The following PARP9 variants were observed in gnomAD, a reference collection of about 807,000 sequenced individuals.
The protein encoded by PARP9 is protein mono-ADP-ribosyltransferase PARP9.
Under a neutral mutation model 68.8 loss-of-function variants are expected in PARP9, and 48 were observed. The ratio of observed to expected loss-of-function variants is 0.70; its 90% CI spans 0.55 to 0.89. PARP9 has a LOEUF of 0.89. Ranked by LOEUF, PARP9 falls within the 40% of genes least tolerant of loss-of-function variation. The pLI, the probability that PARP9 is intolerant of heterozygous loss-of-function variation, is 0.00. For missense variants in PARP9, 806 were observed against 969.3 expected (o/e 0.83, Z 2.24); for synonymous variants, 309 against 333.8 (o/e 0.93, Z 0.81).
intron 10 of PARP9, among the ~76,000 whole-genome samples, chr3:122,530,825 G>A (rs1183021494): frequency 6.6e-6 from 1 of 152,146 alleles, no homozygotes; most frequent in East Asian, 1.9e-4. Flanking sequence ...CACTTTGGGA[G>A]GCCAAGGCAG....
At chr3:122,538,500 G>T (rs2077823177) in intron 8 of PARP9, among the ~76,000 whole-genome samples, 1 of 152,128 alleles carries the variant, frequency 6.6e-6, no homozygotes, top group South Asian at 2.1e-4. Context: ...GACAGGGCAG[G>T]TTTGCCTGAA....
intron 8 of PARP9, among the ~76,000 whole-genome samples, chr3:122,539,502 A>G (rs953269883): frequency 1.4e-5 from 2 of 138,094 alleles, no homozygotes; most frequent in African/African-American, 2.8e-5. Context: ...ATCTCCCAAG[A>G]TGGCATTTCT....
chr3:122,543,065 C>T (rs1220613879), intron 7 of PARP9, among the ~76,000 whole-genome samples: 1 of 151,926 alleles, frequency 6.6e-6, no homozygotes, highest in African/African-American at 2.4e-5. Flanking sequence ...CGCCACCATG[C>T]CTGGCTAATT....
rs762938495 is a variant in PARP9 at position 122,558,415 on chromosome 3, G to A, written c.49+19C>T. On this transcript the variant is annotated intron_variant, in intron 3 of 10. Transcript: ENST00000682323. The stretch of plus-strand genomic sequence containing the variant: ...AGCAAAGACTTTCTGAAACAAGAGT[G>A]AGAGCGAGGTAATCCTACCTGATTT... 9.9e-6 allele frequency: 16 copies of A among 1,614,030 alleles called. No individual in the cohort carries two copies. The South Asian group carries it at 1.8e-4, about 18-fold the overall frequency.
intron 10 of PARP9, chr3:122,532,513 C>T (rs1374053384): frequency 1.3e-5 from 11 of 829,830 alleles, no homozygotes; most frequent in Non-Finnish European, 1.6e-5. Flanking sequence ...CTTGAACTGT[C>T]AAGATTCAAA....
rs760164261 is a variant in PARP9, at chr3:122,540,795, G to A, written c.1442C>T (p.Ala481Val). 8 of 1,613,920 alleles carry A rather than the reference G, an allele frequency of 5.0e-6. No homozygotes were observed. The East Asian group carries it at 1.6e-4, about 31-fold the overall frequency. The change falls in exon 8 of 11, where the codon GCC (alanine) becomes GTC (valine). Residue 481 changes from alanine (A) to valine (V), a missense_variant. By Grantham distance (64) the Ala-to-Val change is moderately conservative. Around this residue, in one of 2 missense-constraint regions of PARP9, gnomAD observed 680 missense variants for 858.8 expected, o/e 0.79. Coordinates refer to ENST00000682323, the MANE Select transcript of PARP9 (RefSeq NM_001146105.2). ...RENGLEARSP[A>V]INLMGFNVEE... ...CACGTTGAATCCCATCAGATTGATG[G>A]CAGGAGATCTAGCTTCAAGCCCATT...
intron 10 of PARP9, chr3:122,532,041 G>T: frequency 1.8e-6 from 1 of 550,018 alleles, no homozygotes; most frequent in Non-Finnish European, 2.3e-6. Context: ...ACAATTGGAG[G>T]GACTCACAGA....
chr3:122,564,630 C>T (rs746231140), upstream of PARP9: 4 of 1,579,002 alleles, frequency 2.5e-6, no homozygotes, highest in Non-Finnish European at 3.4e-6. Flanking sequence ...TTCGGGCGGC[C>T]AGGCTGCGAA....
At chr3:122,559,101 C>A (rs192414254) in intron 2 of PARP9, among the ~76,000 whole-genome samples, 64 of 152,276 alleles carry the variant, frequency 4.2e-4, no homozygotes, top group African/African-American at 1.5e-3. Flanking sequence ...ACCAAAATGA[C>A]CCCAAACTCT....
chr3:122,536,307 G>A lies in PARP9; in HGVS notation c.1941C>T (p.Ala647=). 1 of 1,614,138 alleles carries A rather than the reference G, an allele frequency of 6.2e-7. No individual in the cohort carries two copies. Among genetic ancestry groups the A allele is most frequent in the Non-Finnish European group, 8.5e-7 (1 of 1,180,020 alleles). The part of the protein sequence containing the change: ...EKIDNEVLMA[A]FQRKKKMMEE... ...CCATCATTTTCTTCTTTCTTTGAAAGGCAGCCATAAGGACCTCATTGTCTA... is the reference window on the plus strand; with the variant it reads ...CCATCATTTTCTTCTTTCTTTGAAAAGCAGCCATAAGGACCTCATTGTCTA... Residue 647 remains alanine (A), a synonymous_variant, in exon 10 of 11, where the codon GCC becomes GCT. Transcript: ENST00000682323.
chr3:122,553,099 A>C (rs2079350888), intron 4 of PARP9, among the ~76,000 whole-genome samples: 1 of 152,212 alleles, frequency 6.6e-6, no homozygotes, highest in South Asian at 2.1e-4. Context: ...TTATGGTTTA[A>C]GGTATAAGAA....
Position 122,556,123 on chromosome 3 carries a change from T to G in PARP9, c.50-2A>C. The G allele has an allele frequency of 1.9e-6, 1 of 537,734 alleles. No individual in the cohort carries two copies. The highest frequency in any genetic ancestry group is 2.8e-6 in the Non-Finnish European group (1 of 354,212). 33.3% of individuals were successfully genotyped at this position (537,734 alleles called of 1,614,324 possible). On this transcript the variant is annotated splice_acceptor_variant, in intron 3 of 10. Coordinates refer to ENST00000682323, the MANE Select transcript of PARP9 (RefSeq NM_001146105.2). LOFTEE classifies it high-confidence loss of function. ...AGTTTTCTCCAAGAGCACCAGTCTCTGGAAAAGAAGAGAAGATTAAAAAAA... is the reference window on the plus strand; with the variant it reads ...AGTTTTCTCCAAGAGCACCAGTCTCGGGAAAAGAAGAGAAGATTAAAAAAA...
Position 122,536,999 on chromosome 3 carries a change from G to A in PARP9, c.1840C>T (p.Pro614Ser). ...ENIIFLKCPV[P>S]PTQELLDQKK... ...TGATCTAGAAGCTCTTGAGTTGGAG[G>A]CACAGGACATTTCAGAAATATGATA... Residue 614 changes from proline (P) to serine (S), a missense_variant, in exon 9 of 11, where the codon CCT (proline) becomes TCT (serine). By Grantham distance (74) the Pro-to-Ser change is moderately conservative. This residue lies in a region of PARP9 where 680 missense variants were observed against 858.8 expected (regional missense o/e 0.79). Coordinates refer to ENST00000682323, the MANE Select transcript of PARP9 (RefSeq NM_001146105.2). 3 of 1,613,820 alleles carry A rather than the reference G, an allele frequency of 1.9e-6. No homozygotes were observed. The highest frequency in any genetic ancestry group is 2.5e-6 in the Non-Finnish European group (3 of 1,179,772).
Position 122,539,567 on chromosome 3 carries a change from C to CTTTT in PARP9, c.1765+901_1765+904dup, listed in dbSNP as rs1177248789. Among the ~76,000 whole-genome samples the CTTTT allele has an allele frequency of 1.7e-4, 15 of 86,942 alleles. No homozygotes were observed. In the East Asian group the frequency reaches 1.7e-3, roughly 10 times the overall value. The allele number at this position is 86,942 out of a possible 152,430, so 57.0% of individuals were successfully genotyped here. ...TCTTTCTTTCTTTCTTTCTTTCTTT[C>CTTTT]TTTTTTTTTTGAGACAGAGTTTCGC... On this transcript the variant is annotated intron_variant, in intron 8 of 10. Transcript: ENST00000682323.
intron 10 of PARP9, 80 bp from the exon 11 acceptor site, chr3:122,528,823 C>A (rs941275413): frequency 3.9e-6 from 5 of 1,283,680 alleles, no homozygotes; most frequent in African/African-American, 3.0e-5. Context: ...AATATCTATT[C>A]TTTCTTTAGT....
intron 1 of PARP9, among the ~76,000 whole-genome samples, chr3:122,562,568 T>A (rs186435474): frequency 1.3e-5 from 2 of 152,188 alleles, no homozygotes. Context: ...TACATTTACA[T>A]GGTTCAAATT....
In PARP9 at chr3:122,555,710, G is replaced by A. The variant is rs747098190; in HGVS notation, c.461C>T (p.Pro154Leu). 1 of 1,613,526 alleles carries A rather than the reference G, an allele frequency of 6.2e-7. No individual in the cohort carries two copies. Among genetic ancestry groups the A allele is most frequent in the Admixed American group, 1.7e-5 (1 of 59,930 alleles). Residue 154 changes from proline to leucine, a missense_variant, in exon 4 of 11, where the codon CCC becomes CTC. By Grantham distance (98) the Pro-to-Leu change is moderately conservative. This residue lies in a region of PARP9 where 680 missense variants were observed against 858.8 expected (regional missense o/e 0.79). Transcript: ENST00000682323. ...AACAGCATGGATGATCTGTTTGCAG[G>A]GAAGCCTCCCTGCTCCCGTGACAGC... ...EIAVTGAGRL[P>L]CKQIIHAVGP...
intron 1 of PARP9, among the ~76,000 whole-genome samples, chr3:122,562,367 T>C (rs1428684926): frequency 1.3e-5 from 2 of 149,728 alleles, no homozygotes; most frequent in African/African-American, 4.9e-5. Context: ...TTTTTTTGTA[T>C]TTTTTTTAGT....
intron 1 of PARP9, among the ~76,000 whole-genome samples, chr3:122,561,125 A>C (rs1029818846): frequency 1.6e-4 from 25 of 152,198 alleles, no homozygotes; most frequent in African/African-American, 6.0e-4. Context: ...CACTCAGCCT[A>C]CTATAACCTG....
Sources: gnomAD v4.1 joint callset for allele counts (sites outside exome capture counted in the v4.1 genomes callset) on GRCh38, gnomAD v4.1.1 for gene constraint, gnomAD v4.1.1 regional missense constraint, MANE v1.5 for transcripts, NCBI Gene and HGNC (gene_info 2026-07-23, HGNC 2026-07-21) for gene names.